Variants in TMEM94 observed in about 807,000 individuals in gnomAD.
TMEM94 encodes ER Mg2+ ATPase.
Under a neutral mutation model 158.6 loss-of-function variants are expected in TMEM94, and 81 were observed. That is an observed-to-expected ratio of 0.51 (90% CI 0.43 to 0.61). The LOEUF is 0.61. Ranked by LOEUF, TMEM94 falls within the 20% of genes least tolerant of loss-of-function variation. The pLI, the probability that TMEM94 is intolerant of heterozygous loss-of-function variation, is 0.00. For synonymous variants in TMEM94, 751 were observed against 730.7 expected, an observed-to-expected ratio of 1.03 and a Z score of -0.45; for missense variants, 1,435 against 1,762.0, an observed-to-expected ratio of 0.81 and a Z score of 3.32.
rs781384525 is a variant in TMEM94 at position 75,485,755 on chromosome 17, G to T, written c.145-116G>T. The T allele has an allele frequency of 2.1e-5, 30 of 1,399,146 alleles. No homozygotes were observed. Among genetic ancestry groups the T allele is most frequent in the Non-Finnish European group, 2.8e-5 (29 of 1,039,640 alleles). The allele number at this position is 1,399,146 out of a possible 1,614,324, so 86.7% of individuals were successfully genotyped here. ...GAGCCCAACAGGCTGGAGCCCAGCC[G>T]AGGTCAAAGAGAGGGGACCAAGGCG... On this transcript the variant is annotated intron_variant, in intron 3 of 31. Transcript: ENST00000314256. This position sits in a 1 kb window ranked among gnomAD's most constrained non-coding sequence, Gnocchi z 5.5.
intron 23 of TMEM94, 41 bp from the exon 24 acceptor site, chr17:75,496,241 G>T: frequency 6.2e-7 from 1 of 1,612,734 alleles, no homozygotes. Context: ...CAGTCCTGTG[G>T]GAGATACAGC....
Position 75,489,946 on chromosome 17 carries a change from G to C in TMEM94, c.954+284G>C, listed in dbSNP as rs1286603803. ...ATATAAAAATTAGCTGGGCGTGGTG[G>C]CACGTGCCTGTGGTCCCAGCCATTC... On this transcript the variant is annotated intron_variant, in intron 9 of 31. Coordinates refer to ENST00000314256, the MANE Select transcript of TMEM94 (RefSeq NM_014738.6). This position sits in a 1 kb window ranked among gnomAD's most constrained non-coding sequence, Gnocchi z 5.0. 21 of 561,242 alleles carry C rather than the reference G, an allele frequency of 3.7e-5. No individual in the cohort carries two copies. The highest frequency in any genetic ancestry group is 6.1e-5 in the Non-Finnish European group (19 of 313,580). The allele number at this position is 561,242 out of a possible 1,614,324, so 34.8% of individuals were successfully genotyped here.
rs770405296 is a variant in TMEM94, at chr17:75,491,491, G to A, written c.1386+36G>A. On this transcript the variant is annotated intron_variant, in intron 13 of 31. Coordinates refer to ENST00000314256, the MANE Select transcript of TMEM94 (RefSeq NM_014738.6). The surrounding 1 kb of genome is among the most constrained non-coding windows in gnomAD (Gnocchi z 5.1). ...AGGTACGGCCGGCTCCCATGGGCCCGACTCTGGGCCAGGCTGTTTAGCCTT... is the reference window on the plus strand; with the variant it reads ...AGGTACGGCCGGCTCCCATGGGCCCAACTCTGGGCCAGGCTGTTTAGCCTT... 46 of 1,613,546 alleles carry A rather than the reference G, an allele frequency of 2.9e-5. No individual in the cohort carries two copies. Among genetic ancestry groups the A allele is most frequent in the African/African-American group, 1.1e-4 (8 of 74,930 alleles).
rs1309634087 is a variant in TMEM94 at position 75,499,273 on chromosome 17, G to A, written c.4010G>A (p.Arg1337His). 6.2e-7 allele frequency: 1 copy of A among 1,613,658 alleles called. No individual in the cohort carries two copies. Among genetic ancestry groups the A allele is most frequent in the Non-Finnish European group, 8.5e-7 (1 of 1,179,972 alleles). The change falls in exon 32 of 32, where the codon CGC becomes CAC. Residue 1337 changes from arginine (R) to histidine (H), a missense_variant. This residue lies in a region of TMEM94 where 335 missense variants were observed against 409.1 expected (regional missense o/e 0.82). Transcript: ENST00000314256. Reference protein sequence around the residue: ...VKLHEIRVRVRYQKRQKLQFE... With the variant: ...VKLHEIRVRVHYQKRQKLQFE... ...TCCTGCCCCACCAGGGTCCGAGTCC[G>A]CTACCAGAAGCGACAGAAGCTGCAG...
At chr17:75,480,067 G>A (rs772504953) in intron 2 of TMEM94, among the ~76,000 whole-genome samples, 6 of 151,342 alleles carry the variant, frequency 4.0e-5, no homozygotes, top group Non-Finnish European at 7.4e-5. Flanking sequence ...TCTAGCCTGG[G>A]CAACAGAGCA....
chr17:75,500,131 C>T lies in TMEM94; in HGVS notation c.*797C>T, dbSNP rs2053142389. The T allele has an allele frequency of 6.6e-6, 1 of 152,332 alleles. No individual in the cohort carries two copies. Among genetic ancestry groups the T allele is most frequent in the Non-Finnish European group, 1.5e-5 (1 of 68,092 alleles). The allele number at this position is 152,332 out of a possible 1,614,324, so 9.4% of individuals were successfully genotyped here. On this transcript the variant is annotated 3_prime_UTR_variant, in exon 32 of 32. Transcript: ENST00000314256. ...TAAGGCCACTCCAGGGTCTGCCCAC[C>T]CCCGGCGGTGGCTGGCAAAGGGAGG...
Position 75,493,520 on chromosome 17 carries a change from G to C in TMEM94, c.2116G>C (p.Ala706Pro). 6.2e-7 allele frequency: 1 copy of C among 1,614,006 alleles called. No homozygotes were observed. Among genetic ancestry groups the C allele is most frequent in the Non-Finnish European group, 8.5e-7 (1 of 1,180,012 alleles). ...STEQMLSHGT[A>P]DVVLEACTDF... ...AGAGCAGATGCTGTCCCATGGCACC[G>C]CTGATGTGGTCTTAGAGGCCTGCAC... Residue 706 changes from alanine (A) to proline (P), a missense_variant, in exon 17 of 32, where the codon GCT becomes CCT. This residue lies in a region of TMEM94 where 1,051 missense variants were observed against 1,254.4 expected (regional missense o/e 0.84). Transcript: ENST00000314256.
chr17:75,499,277 C>A lies in TMEM94; in HGVS notation c.4014C>A (p.Tyr1338Ter). 1 of 1,613,702 alleles carries A rather than the reference C, an allele frequency of 6.2e-7. No individual in the cohort carries two copies. Among genetic ancestry groups the A allele is most frequent in the Non-Finnish European group, 8.5e-7 (1 of 1,179,972 alleles). The change falls in exon 32 of 32, where the codon TAC (tyrosine) becomes TAA (stop). Residue 1338 changes from tyrosine (Y) to a stop codon, truncating the protein, a stop_gained. Transcript: ENST00000314256. LOFTEE classifies it high-confidence loss of function. ...GCCCCACCAGGGTCCGAGTCCGCTACCAGAAGCGACAGAAGCTGCAGTTTG... is the reference window on the plus strand; with the variant it reads ...GCCCCACCAGGGTCCGAGTCCGCTAACAGAAGCGACAGAAGCTGCAGTTTG... Reference protein sequence around the residue: ...KLHEIRVRVRYQKRQKLQFET... With the variant: ...KLHEIRVRVR
At position 75,479,038 on chromosome 17, in the gene TMEM94, A is replaced by C. The variant is rs115197271; in HGVS notation, c.25-6390A>C. On this transcript the variant is annotated intron_variant, in intron 2 of 31. Transcript: ENST00000314256. ...TGCCCTGCCATTGGTGCCCAGGTAC[A>C]TTGGGTAGCCAGCCTAACTCCATGC... 9.9e-3 allele frequency among the ~76,000 whole-genome samples: 1,501 copies of C among 152,304 alleles called. 22 individuals are homozygous for C. The highest frequency in any genetic ancestry group is 0.034 in the African/African-American group (1,423 of 41,560).
intron 1 of TMEM94, among the ~76,000 whole-genome samples, chr17:75,463,404 C>T (rs1450305559): frequency 1.3e-5 from 2 of 151,656 alleles, no homozygotes; most frequent in Non-Finnish European, 2.9e-5. Context: ...CCATTTCTCA[C>T]GTCTTAGTTT....
At chr17:75,466,521 C>T (rs2050311563) in intron 1 of TMEM94, among the ~76,000 whole-genome samples, 1 of 152,142 alleles carries the variant, frequency 6.6e-6, no homozygotes, top group Admixed American at 6.5e-5. Context: ...CTTTCATTAA[C>T]ATTGTATTGA....
chr17:75,495,306 G>C lies in TMEM94; in HGVS notation c.2751G>C (p.Gly917=), dbSNP rs763193440. The C allele has an allele frequency of 4.3e-6, 7 of 1,609,972 alleles. No homozygotes were observed. The highest frequency in any genetic ancestry group is 5.9e-6 in the Non-Finnish European group (7 of 1,177,100). Residue 917 remains glycine (G), a synonymous_variant, in exon 21 of 32, where the codon GGG becomes GGC. Transcript: ENST00000314256. The surrounding 1 kb of genome is among the most constrained non-coding windows in gnomAD (Gnocchi z 5.6). ...CAGTGTCCCGAGATGATGCAGAAGGGCTCCTCCTCATGGAGGAGGAGGGCC... is the reference window on the plus strand; with the variant it reads ...CAGTGTCCCGAGATGATGCAGAAGGCCTCCTCCTCATGGAGGAGGAGGGCC... ...LNQVSRDDAE[G]LLLMEEEGHS...
In TMEM94 at chr17:75,499,322, C is replaced by T. The variant is rs528131416; in HGVS notation, c.4059C>T (p.Asn1353=). 6.2e-6 allele frequency: 10 copies of T among 1,613,692 alleles called. No homozygotes were observed. In the African/African-American group the frequency reaches 1.2e-4, roughly 19 times the overall value. ...KLQFETKLGM[N]SPF is the part of the protein sequence containing the mutation. Reference sequence around the variant, plus strand: ...AGTTTGAAACTAAGCTGGGCATGAACTCTCCCTTCTGAGCCACTGGCTGTG... The same window carrying T: ...AGTTTGAAACTAAGCTGGGCATGAATTCTCCCTTCTGAGCCACTGGCTGTG... The change falls in exon 32 of 32, where the codon AAC becomes AAT. Residue 1353 remains asparagine (N), a synonymous_variant. Transcript: ENST00000314256.
chr17:75,470,851 G>GGAGGTTGCAGTAAGCA (rs2050472784), intron 1 of TMEM94, among the ~76,000 whole-genome samples: 1 of 151,880 alleles, frequency 6.6e-6, no homozygotes, highest in Non-Finnish European at 1.5e-5. Context: ...CCCAGGAAGT[G>GGAGGTTGCAGTAAGCA]GAGGTTGCAG....
chr17:75,481,459 T>C (rs1399889234), intron 2 of TMEM94, among the ~76,000 whole-genome samples: 1 of 152,196 alleles, frequency 6.6e-6, no homozygotes, highest in Non-Finnish European at 1.5e-5. Context: ...AGGCCAGCAC[T>C]GGGGGCTCCA....
At chr17:75,463,027 AAAAAAAAAAAATATAT>A (rs1567904427) in intron 1 of TMEM94, among the ~76,000 whole-genome samples, 1 of 11,398 alleles carries the variant, frequency 8.8e-5, no homozygotes, top group African/African-American at 5.4e-4. Flanking sequence ...AAAAAAAAAA[AAAAAAAAAAAATATAT>A]ATATATATAT....
At chr17:75,470,300 C>T (rs2050448792) in intron 1 of TMEM94, among the ~76,000 whole-genome samples, 2 of 150,860 alleles carry the variant, frequency 1.3e-5, no homozygotes, top group Admixed American at 1.3e-4. Context: ...AGCAAGACCC[C>T]TTCTCCACAC....
intron 2 of TMEM94, among the ~76,000 whole-genome samples, chr17:75,478,001 A>ATTTTTT (rs1567922620): frequency 8.3e-5 from 8 of 95,858 alleles, no homozygotes; most frequent in South Asian, 3.3e-4. Context: ...GCGAGACTCC[A>ATTTTTT]TCTTTTTTTT....
At position 75,485,662 on chromosome 17, in the gene TMEM94, G is replaced by T; in HGVS notation, c.144+115G>T. On this transcript the variant is annotated intron_variant, in intron 3 of 31. Coordinates refer to ENST00000314256, the MANE Select transcript of TMEM94 (RefSeq NM_014738.6). This position sits in a 1 kb window ranked among gnomAD's most constrained non-coding sequence, Gnocchi z 5.5. ...ACCCTGGACAGTGTGACCCAACTGA[G>T]GCCTCATGAAATATCAGAAAGAAGC... The T allele has an allele frequency of 6.9e-7, 1 of 1,459,588 alleles. No individual in the cohort carries two copies. Among genetic ancestry groups the T allele is most frequent in the Non-Finnish European group, 9.4e-7 (1 of 1,063,336 alleles). 90.4% of individuals were successfully genotyped at this position (1,459,588 alleles called of 1,614,324 possible). A position where few individuals can be genotyped will look rare whatever the true frequency, so the allele number is the denominator to read the frequency against.
Sources: gnomAD v4.1 joint callset for allele counts (sites outside exome capture counted in the v4.1 genomes callset) on GRCh38, gnomAD v4.1.1 for gene constraint, gnomAD v4.1.1 regional missense constraint, Gnocchi (gnomAD v3.1) non-coding constraint, MANE v1.5 for transcripts, NCBI Gene and HGNC (gene_info 2026-07-23, HGNC 2026-07-21) for gene names.